Variants in HCRTR2 observed in about 807,000 individuals in gnomAD.
HCRTR2 encodes hypocretin receptor 2.
In HCRTR2, 22 loss-of-function variants were observed where a neutral mutation model predicts 49.0. That is an observed-to-expected ratio of 0.45 (90% CI 0.32 to 0.64). HCRTR2 has a LOEUF of 0.64. HCRTR2 is among the 30% of genes least tolerant of loss of function. The probability of loss-of-function intolerance (pLI) is 0.04; values close to 1 mark genes in which losing one functional copy is unlikely to be tolerated. For synonymous variants in HCRTR2, 236 were observed against 205.3 expected (o/e 1.15, Z -1.28); for missense variants, 491 against 559.4 (o/e 0.88, Z 1.23).
chr6:55,181,907 A>G (rs911980267), intron 1 of HCRTR2, among the ~76,000 whole-genome samples: 1 of 152,268 alleles, frequency 6.6e-6, no homozygotes, highest in African/African-American at 2.4e-5. Context: ...CGATGTTTTA[A>G]TTTACAGTAA....
At chr6:55,263,890 CA>C (rs1305993827) in intron 4 of HCRTR2, 68 bp downstream of exon 4, 8 of 989,302 alleles carry the variant, frequency 8.1e-6, no homozygotes, top group Non-Finnish European at 1.3e-5. Context: ...TTATTCCTTC[CA>C]AATATTTTGT....
intron 4 of HCRTR2, among the ~76,000 whole-genome samples, chr6:55,267,287 G>A (rs1280948285): frequency 6.6e-6 from 1 of 151,998 alleles, no homozygotes; most frequent in Non-Finnish European, 1.5e-5. Flanking sequence ...ATTAGTAAGT[G>A]TAAGATTATT....
chr6:55,224,803 A>G (rs530150543), intron 1 of HCRTR2, among the ~76,000 whole-genome samples: 6 of 152,304 alleles, frequency 3.9e-5, no homozygotes, highest in African/African-American at 1.4e-4. Context: ...AATCTAAAAA[A>G]GTTGACTTCA....
chr6:55,270,971 C>A (rs1766962603), intron 4 of HCRTR2, among the ~76,000 whole-genome samples: 1 of 152,096 alleles, frequency 6.6e-6, no homozygotes, highest in Non-Finnish European at 1.5e-5. Context: ...TAGAAATAAT[C>A]TTCAAATTAA....
At chr6:55,283,769 A>G (rs927315852), downstream of HCRTR2, among the ~76,000 whole-genome samples, 1 of 152,216 alleles carries the variant, frequency 6.6e-6, no homozygotes, top group Non-Finnish European at 1.5e-5. Flanking sequence ...TGTTTAAGAA[A>G]AACTTTCATA....
At chr6:55,129,576 T>C (rs1439178615) in intron 1 of HCRTR2, among the ~76,000 whole-genome samples, 1 of 152,074 alleles carries the variant, frequency 6.6e-6, no homozygotes, top group Non-Finnish European at 1.5e-5. Flanking sequence ...GTCTCCTCTT[T>C]TCCAGTCTTT....
chr6:55,277,829 T>C (rs1767108470), intron 5 of HCRTR2, among the ~76,000 whole-genome samples: 1 of 152,158 alleles, frequency 6.6e-6, no homozygotes, highest in South Asian at 2.1e-4. Flanking sequence ...ATGGCAGACA[T>C]AAAACAGATG....
intron 1 of HCRTR2, among the ~76,000 whole-genome samples, chr6:55,216,457 C>A (rs59682791): frequency 0.23 from 34,707 of 152,036 alleles, 4,350 homozygotes; most frequent in African/African-American, 0.31. Context: ...CAAAACAAGT[C>A]ATATAATTCT....
intron 1 of HCRTR2, among the ~76,000 whole-genome samples, chr6:55,133,542 T>C (rs1241440540): frequency 2.0e-5 from 3 of 151,912 alleles, no homozygotes; most frequent in Non-Finnish European, 1.5e-5. Flanking sequence ...AATAACTTAT[T>C]GATGACCTCA....
intron 1 of HCRTR2, among the ~76,000 whole-genome samples, chr6:55,231,218 T>G (rs1204632381): frequency 6.6e-6 from 1 of 152,154 alleles, no homozygotes; most frequent in Non-Finnish European, 1.5e-5. Flanking sequence ...CTTATATTTA[T>G]AATAATAGAC....
intron 1 of HCRTR2, among the ~76,000 whole-genome samples, chr6:55,202,538 G>A (rs1049318035): frequency 6.6e-6 from 1 of 152,144 alleles, no homozygotes; most frequent in Non-Finnish European, 1.5e-5. Flanking sequence ...TGGAGACTGG[G>A]AAGTCCAAGA....
chr6:55,283,996 C>T (rs995501942), downstream of HCRTR2, among the ~76,000 whole-genome samples: 2 of 152,186 alleles, frequency 1.3e-5, no homozygotes, highest in South Asian at 2.1e-4. Context: ...GGTATTTTAA[C>T]TCTCTCCTTT....
intron 1 of HCRTR2, among the ~76,000 whole-genome samples, chr6:55,108,862 G>C (rs535523252): frequency 6.6e-6 from 1 of 152,234 alleles, no homozygotes; most frequent in Admixed American, 6.5e-5. Flanking sequence ...AAGCATTGTG[G>C]GGAGGGGCGA....
chr6:55,114,239 C>A (rs978067650), intron 1 of HCRTR2, among the ~76,000 whole-genome samples: 8 of 151,570 alleles, frequency 5.3e-5, no homozygotes, highest in Non-Finnish European at 1.2e-4. Context: ...TTCATGTAAC[C>A]AAACACCACC....
chr6:55,254,692 A>T (rs956652981), intron 2 of HCRTR2, among the ~76,000 whole-genome samples: 1 of 151,946 alleles, frequency 6.6e-6, no homozygotes, highest in African/African-American at 2.4e-5. Context: ...TCAAATTTCT[A>T]TGTGGTAATT....
intron 4 of HCRTR2, among the ~76,000 whole-genome samples, chr6:55,271,197 A>G (rs1234495314): frequency 6.6e-6 from 1 of 152,212 alleles, no homozygotes; most frequent in Non-Finnish European, 1.5e-5. Flanking sequence ...ACAGTTAGTC[A>G]TATAGATCAG....
upstream of HCRTR2, among the ~76,000 whole-genome samples, chr6:55,172,772 A>G (rs945728713): frequency 2.6e-5 from 4 of 152,168 alleles, no homozygotes; most frequent in South Asian, 6.2e-4. Flanking sequence ...ATGCATATGA[A>G]ATAATTTTAT....
At chr6:55,166,667 T>C (rs941649701) in intron 1 of HCRTR2, among the ~76,000 whole-genome samples, 9 of 152,238 alleles carry the variant, frequency 5.9e-5, no homozygotes, top group Admixed American at 1.3e-4. Flanking sequence ...CAGTTCAACA[T>C]AGAGTTACTG....
chr6:55,163,880 T>A (rs9382457), intron 1 of HCRTR2, among the ~76,000 whole-genome samples: 26,012 of 152,098 alleles, frequency 0.17, 2,383 homozygotes, highest in East Asian at 0.28. Context: ...TCTGTCCATC[T>A]GATAAAGGGC....
Sources: gnomAD v4.1 joint callset for allele counts (sites outside exome capture counted in the v4.1 genomes callset) on GRCh38, gnomAD v4.1.1 for gene constraint, MANE v1.5 for transcripts, NCBI Gene and HGNC (gene_info 2026-07-23, HGNC 2026-07-21) for gene names.